Variants in FBXO48 observed in about 807,000 individuals in gnomAD.
The protein encoded by FBXO48 is F-box protein 48.
Under a neutral mutation model 14.3 loss-of-function variants are expected in FBXO48, and 12 were observed. The ratio of observed to expected loss-of-function variants is 0.84; its 90% CI spans 0.54 to 1.36. The LOEUF (loss-of-function observed/expected upper bound fraction) is 1.36. Ranked by LOEUF, FBXO48 falls within the 40% of genes most tolerant of loss-of-function variation. The pLI is 0.00. For synonymous variants in FBXO48, 53 were observed against 61.7 expected (o/e 0.86, Z 0.66); for missense variants, 177 against 179.1 (o/e 0.99, Z 0.07).
rs1023419861 is a variant in FBXO48, at chr2:68,462,610, G to C, written c.*1599C>G. ...TGACCTGAGGTGATCCACCCACCTTGGTCTCCCAAAGTGCTGGGATTACAG... is the reference window on the plus strand; with the variant it reads ...TGACCTGAGGTGATCCACCCACCTTCGTCTCCCAAAGTGCTGGGATTACAG... On this transcript the variant is annotated 3_prime_UTR_variant, in exon 4 of 4. Transcript: ENST00000377957. 4.6e-5 allele frequency: 7 copies of C among 152,306 alleles called. No individual in the cohort carries two copies. The highest frequency in any genetic ancestry group is 1.7e-4 in the African/African-American group (7 of 41,446). The allele number at this position is 152,306 out of a possible 1,614,324, so 9.4% of individuals were successfully genotyped here.
chr2:68,464,749 T>C, intron 3 of FBXO48, 91 bp downstream of exon 3: 2 of 923,230 alleles, frequency 2.2e-6, no homozygotes, highest in East Asian at 2.4e-5. Flanking sequence ...GCATATGTAA[T>C]TCTGACTCCT....
chr2:68,465,304 G>A, intron 2 of FBXO48, 126 bp from the exon 3 acceptor site: 1 of 606,098 alleles, frequency 1.6e-6, no homozygotes, highest in Non-Finnish European at 2.9e-6. Context: ...CTGTAAAATG[G>A]GCCAATGCTG....
rs1049552502 is a variant in FBXO48 at position 68,461,038 on chromosome 2, G to C, written c.*3171C>G. The C allele has an allele frequency of 2.6e-5, 4 of 152,214 alleles. No homozygotes were observed. Among genetic ancestry groups the C allele is most frequent in the African/African-American group, 9.7e-5 (4 of 41,438 alleles). 9.4% of individuals were successfully genotyped at this position (152,214 alleles called of 1,614,324 possible). On this transcript the variant is annotated 3_prime_UTR_variant, in exon 4 of 4. Transcript: ENST00000377957. ...TATTATAGCAGATTAAGACTGACTG[G>C]TGAGGAAGTCAGAGTGAAATCTAAG...
At chr2:68,465,534 A>C (rs926934573) in intron 2 of FBXO48, among the ~76,000 whole-genome samples, 17 of 151,082 alleles carry the variant, frequency 1.1e-4, no homozygotes, top group Non-Finnish European at 1.6e-4. Context: ...AAAAAAAAAA[A>C]AAGAAAAAAA....
In FBXO48 at chr2:68,464,154, G is replaced by C; in HGVS notation, c.*55C>G. On this transcript the variant is annotated 3_prime_UTR_variant, in exon 4 of 4. Coordinates refer to ENST00000377957, the MANE Select transcript of FBXO48 (RefSeq NM_001024680.3). ...TAAAGATATCGCTTTTGCAACCTAAGAGTCATTTAAGTTTTAAACTTTCAA... is the reference window on the plus strand; with the variant it reads ...TAAAGATATCGCTTTTGCAACCTAACAGTCATTTAAGTTTTAAACTTTCAA... 4 of 1,513,840 alleles carry C rather than the reference G, an allele frequency of 2.6e-6. No individual in the cohort carries two copies. Among genetic ancestry groups the C allele is most frequent in the Non-Finnish European group, 3.7e-6 (4 of 1,095,796 alleles). 93.8% of individuals were successfully genotyped at this position (1,513,840 alleles called of 1,614,324 possible).
In FBXO48 at chr2:68,462,121, T is replaced by C. The variant is rs1282625225; in HGVS notation, c.*2088A>G. 1 of 150,694 alleles carries C rather than the reference T, an allele frequency of 6.6e-6. No homozygotes were observed. Among genetic ancestry groups the C allele is most frequent in the African/African-American group, 2.5e-5 (1 of 40,766 alleles). The allele number at this position is 150,694 out of a possible 1,614,324, so 9.3% of individuals were successfully genotyped here. On this transcript the variant is annotated 3_prime_UTR_variant, in exon 4 of 4. Coordinates refer to ENST00000377957, the MANE Select transcript of FBXO48 (RefSeq NM_001024680.3). ...CACACTTGGTTGGAAGTGAGAAGGG[T>C]GAGTCTCCCTAATTAGGATAACTTC...
chr2:68,466,066 A>G (rs1675403271), intron 2 of FBXO48, 78 bp downstream of exon 2: 1 of 152,236 alleles, frequency 6.6e-6, no homozygotes, highest in Non-Finnish European at 1.5e-5. Flanking sequence ...ACAACTGTAA[A>G]CAATGTTTAG....
Position 68,465,181 on chromosome 2 carries a change from A to T in FBXO48, c.-33-3T>A, listed in dbSNP as rs1421823589. The T allele has an allele frequency of 6.8e-7, 1 of 1,468,236 alleles. No individual in the cohort carries two copies. Among genetic ancestry groups the T allele is most frequent in the South Asian group, 1.3e-5 (1 of 79,234 alleles). 91.0% of individuals were successfully genotyped at this position (1,468,236 alleles called of 1,614,324 possible). Reference sequence around the variant, plus strand: ...TTTAAGTTATCCTCATATGTAACCTAAAAGGCAAAATTTAAACATGCTCAG... The same window carrying T: ...TTTAAGTTATCCTCATATGTAACCTTAAAGGCAAAATTTAAACATGCTCAG... On this transcript the variant is annotated splice_region_variant and splice_polypyrimidine_tract_variant and intron_variant, in intron 2 of 3. Coordinates refer to ENST00000377957, the MANE Select transcript of FBXO48 (RefSeq NM_001024680.3).
At chr2:68,464,414 T>G (rs1675343833) in intron 3 of FBXO48, 44 bp from the exon 4 acceptor site, 3 of 1,585,826 alleles carry the variant, frequency 1.9e-6, no homozygotes, top group Non-Finnish European at 2.6e-6. Context: ...TAGTAGGTGG[T>G]TGGTTAGTGA....
intron 2 of FBXO48, among the ~76,000 whole-genome samples, chr2:68,465,537 G>GAAA (rs577976078): frequency 2.5e-5 from 3 of 118,128 alleles, no homozygotes; most frequent in African/African-American, 9.5e-5. Context: ...AAAAAAAAAA[G>GAAA]AAAAAAAAAA....
At position 68,462,691 on chromosome 2, in the gene FBXO48, G is replaced by A. The variant is rs946415252; in HGVS notation, c.*1518C>T. 2 of 152,256 alleles carry A rather than the reference G, an allele frequency of 1.3e-5. No individual in the cohort carries two copies. The allele number at this position is 152,256 out of a possible 1,614,324, so 9.4% of individuals were successfully genotyped here. On this transcript the variant is annotated 3_prime_UTR_variant, in exon 4 of 4. Transcript: ENST00000377957. Reference sequence around the variant, plus strand: ...TTGTTAAGAGTAAATGGGCAGAAGAGAATGTTGTTGGGTCTAGAAATTATA... The same window carrying A: ...TTGTTAAGAGTAAATGGGCAGAAGAAAATGTTGTTGGGTCTAGAAATTATA...
chr2:68,461,365 C>G lies in FBXO48; in HGVS notation c.*2844G>C, dbSNP rs868526944. ...ACTGCGGACTGCAGTGGCGCAATCT[C>G]GGCTCACTGCAAGCTCCGCCTCCCG... On this transcript the variant is annotated 3_prime_UTR_variant, in exon 4 of 4. Coordinates refer to ENST00000377957, the MANE Select transcript of FBXO48 (RefSeq NM_001024680.3). 1.4e-5 allele frequency: 2 copies of G among 144,694 alleles called. No individual in the cohort carries two copies. Among genetic ancestry groups the G allele is most frequent in the Admixed American group, 6.8e-5 (1 of 14,644 alleles). The allele number at this position is 144,694 out of a possible 1,614,324, so 9.0% of individuals were successfully genotyped here. A position where few individuals can be genotyped will look rare whatever the true frequency, so the allele number is the denominator to read the frequency against.
At chr2:68,465,488 C>T (rs550135889) in intron 2 of FBXO48, among the ~76,000 whole-genome samples, 1 of 145,616 alleles carries the variant, frequency 6.9e-6, no homozygotes, top group East Asian at 2.0e-4. Flanking sequence ...CAGCCTCAAG[C>T]GATTCTCTTG....
intron 3 of FBXO48, 151 bp from the exon 4 acceptor site, chr2:68,464,521 G>A (rs992110259): frequency 2.9e-6 from 2 of 679,366 alleles, no homozygotes; most frequent in South Asian, 1.8e-5. Context: ...GTCTGTGTAC[G>A]TGTGTGTATG....
At chr2:68,465,577 G>A (rs1675385632) in intron 2 of FBXO48, among the ~76,000 whole-genome samples, 1 of 149,434 alleles carries the variant, frequency 6.7e-6, no homozygotes, top group African/African-American at 2.5e-5. Flanking sequence ...GTTTTACGGA[G>A]AAATGGTTCT....
rs755768453 is a variant in FBXO48, at chr2:68,465,100, T to C, written c.46A>G (p.Thr16Ala). The C allele has an allele frequency of 1.9e-6, 3 of 1,612,436 alleles. No individual in the cohort carries two copies. In the East Asian group the frequency reaches 6.7e-5, roughly 36 times the overall value. The stretch of plus-strand genomic sequence containing the variant: ...TCAGCATCCACAGAGTTCGCTTCTG[T>C]GTGAGAAACTCTTAAATTATTGTTT... Reference protein sequence around the residue: ...KRNNNLRVSHTEANSVDAEKE... With the variant: ...KRNNNLRVSHAEANSVDAEKE... Residue 16 changes from threonine (T) to alanine (A), a missense_variant, in exon 3 of 4, where the codon ACA becomes GCA. Physicochemically the swap from Thr to Ala is moderately conservative, Grantham distance 58 (BLOSUM62 0). Transcript: ENST00000377957.
In FBXO48 at chr2:68,463,104, T is replaced by C. The variant is rs1023862241; in HGVS notation, c.*1105A>G. ...TGATTCAACATACAGAATTTGCATA[T>C]AGTGGGGCATCTTTCTAATATTTGC... On this transcript the variant is annotated 3_prime_UTR_variant, in exon 4 of 4. Coordinates refer to ENST00000377957, the MANE Select transcript of FBXO48 (RefSeq NM_001024680.3). The C allele has an allele frequency of 1.3e-5, 2 of 152,156 alleles. No individual in the cohort carries two copies. The highest frequency in any genetic ancestry group is 4.8e-5 in the African/African-American group (2 of 41,440). 9.4% of individuals were successfully genotyped at this position (152,156 alleles called of 1,614,324 possible). A position where few individuals can be genotyped will look rare whatever the true frequency, so the allele number is the denominator to read the frequency against.
At position 68,464,373 on chromosome 2, in the gene FBXO48, G is replaced by A. The variant is rs1459785536; in HGVS notation, c.307-3C>T. 1 of 1,613,066 alleles carries A rather than the reference G, an allele frequency of 6.2e-7. No homozygotes were observed. Among genetic ancestry groups the A allele is most frequent in the African/African-American group, 1.3e-5 (1 of 74,878 alleles). On this transcript the variant is annotated splice_region_variant and splice_polypyrimidine_tract_variant and intron_variant, in intron 3 of 3. Transcript: ENST00000377957. ...TGGTAATTCCTCAGCAGTATCACCT[G>A]AAAGAGGTAAATCACCGTTAAAAAA...
At chr2:68,466,562 C>G (rs1675421211) in intron 1 of FBXO48, 92 bp from the exon 2 acceptor site, 1 of 152,228 alleles carries the variant, frequency 6.6e-6, no homozygotes, top group Non-Finnish European at 1.5e-5. Context: ...CCTCCCACCA[C>G]CAATACAAAC....
Sources: gnomAD v4.1 joint callset for allele counts (sites outside exome capture counted in the v4.1 genomes callset) on GRCh38, gnomAD v4.1.1 for gene constraint, MANE v1.5 for transcripts, NCBI Gene and HGNC (gene_info 2026-07-23, HGNC 2026-07-21) for gene names.